SDHA: variants seen among roughly 807,000 people sequenced by gnomAD.
SDHA encodes succinate dehydrogenase [ubiquinone] flavoprotein subunit, mitochondrial.
Under a neutral mutation model 78.4 loss-of-function variants are expected in SDHA, and 48 were observed. The ratio of observed to expected loss-of-function variants is 0.61; its 90% CI spans 0.49 to 0.78. The LOEUF is 0.78. SDHA is among the 30% of genes least tolerant of loss of function. SDHA has a pLI of 0.00. For synonymous variants in SDHA, 326 were observed against 353.9 expected, an observed-to-expected ratio of 0.92 and a Z score of 0.88; for missense variants, 680 against 892.7, an observed-to-expected ratio of 0.76 and a Z score of 3.04.
chr5:242,436 A>C (rs1008066129), intron 11 of SDHA, among the ~76,000 whole-genome samples: 9 of 152,260 alleles, frequency 5.9e-5, no homozygotes, highest in African/African-American at 2.2e-4. Context: ...AACTAGCCAG[A>C]GCCCATACCT....
chr5:226,160 A>G (rs1209940474), intron 5 of SDHA, 113 bp downstream of exon 5: 2 of 1,225,676 alleles, frequency 1.6e-6, no homozygotes, highest in Middle Eastern at 2.4e-4. Context: ...GTAAAAAGCA[A>G]CAGAGAACAG....
chr5:259,134 G>C (rs1737390679), downstream of SDHA, among the ~76,000 whole-genome samples: 1 of 51,890 alleles, frequency 1.9e-5, no homozygotes, highest in African/African-American at 1.7e-4. Context: ...GCATTACCGT[G>C]TGAGCTCCGC....
chr5:235,404 G>A (rs112306004), intron 9 of SDHA, 65 bp downstream of exon 9: 19 of 1,467,716 alleles, frequency 1.3e-5, no homozygotes, highest in African/African-American at 1.1e-4. Flanking sequence ...CCACCTCGCA[G>A]TTGTCTCTTT....
chr5:258,686 CCG>C, downstream of SDHA, among the ~76,000 whole-genome samples: 1 of 107,574 alleles, frequency 9.3e-6, no homozygotes, highest in Non-Finnish European at 1.7e-5. Context: ...CACAGCATTA[CCG>C]TGTGAGCTCC....
chr5:263,303 T>C, the SDHA span, among the ~76,000 whole-genome samples: 1 of 152,184 alleles, frequency 6.6e-6, no homozygotes, highest in Non-Finnish European at 1.5e-5. Flanking sequence ...ATGTCTTTTT[T>C]GGCAGTGCAC....
At chr5:259,023 C>G (rs6873943), downstream of SDHA, among the ~76,000 whole-genome samples, 5 of 31,972 alleles carry the variant, frequency 1.6e-4, no homozygotes, top group African/African-American at 1.8e-4. Flanking sequence ...CCGCCTCCCG[C>G]CAGAGCATTA....
At chr5:266,771 G>A in the SDHA span, among the ~76,000 whole-genome samples, 6 of 152,136 alleles carry the variant, frequency 3.9e-5, no homozygotes, top group African/African-American at 1.4e-4. Context: ...TGGCCGCTGT[G>A]TCTGAGATAT....
At position 230,947 on chromosome 5, in the gene SDHA, C is replaced by A; in HGVS notation, c.842C>A (p.Thr281Asn). 6.2e-7 allele frequency: 1 copy of A among 1,614,044 alleles called. No individual in the cohort carries two copies. Among genetic ancestry groups the A allele is most frequent in the Non-Finnish European group, 8.5e-7 (1 of 1,179,912 alleles). Residue 281 changes from threonine (T) to asparagine (N), a missense_variant, in exon 7 of 15, where the codon ACC becomes AAC. Transcript: ENST00000264932. ...TSTGDGTAMI[T>N]RAGLPCQDLE... ...ACTGGCGACGGCACGGCCATGATCA[C>A]CAGGGCAGGCCTTCCTTGCCAGGAC...
chr5:241,353 G>A (rs1215173840), intron 11 of SDHA, among the ~76,000 whole-genome samples: 3 of 152,154 alleles, frequency 2.0e-5, no homozygotes, highest in East Asian at 1.9e-4. Context: ...CCCGGATATC[G>A]ATCATGTCAT....
chr5:261,742 G>C (rs367546557), downstream of SDHA, among the ~76,000 whole-genome samples: 97 of 7,458 alleles, frequency 0.013, no homozygotes, highest in Non-Finnish European at 0.019. Flanking sequence ...CCGCCTCCCG[G>C]CAGAGCATTA....
the SDHA span, among the ~76,000 whole-genome samples, chr5:263,032 G>T: frequency 6.6e-6 from 1 of 151,576 alleles, no homozygotes; most frequent in African/African-American, 2.4e-5. Context: ...CTCCACCTCC[G>T]GGGCTCCAGC....
intron 11 of SDHA, among the ~76,000 whole-genome samples, chr5:241,421 A>G (rs1736132935): frequency 6.6e-6 from 1 of 152,168 alleles, no homozygotes; most frequent in Admixed American, 6.5e-5. Flanking sequence ...TGCTGCCTCT[A>G]AATATACTCG....
intron 11 of SDHA, among the ~76,000 whole-genome samples, chr5:247,048 C>G (rs1338217405): frequency 6.6e-6 from 1 of 152,084 alleles, no homozygotes; most frequent in African/African-American, 2.4e-5. Context: ...AAATTTAAAC[C>G]AAATGAAGAT....
At position 233,521 on chromosome 5, in the gene SDHA, G is replaced by A. The variant is rs1337704280; in HGVS notation, c.940G>A (p.Glu314Lys). Residue 314 changes from glutamate (E) to lysine (K), a missense_variant, in exon 8 of 15, where the codon GAG (glutamate) becomes AAG (lysine). Transcript: ENST00000264932. ...TCTCATTACGGAAGGATGTCGTGGA[G>A]AGGGAGGCATTCTCATTAACAGTCA... Reference protein sequence around the residue: ...GCLITEGCRGEGGILINSQGE... With the variant: ...GCLITEGCRGKGGILINSQGE... 1.2e-6 allele frequency: 2 copies of A among 1,614,254 alleles called. No individual in the cohort carries two copies. Among genetic ancestry groups the A allele is most frequent in the Non-Finnish European group, 1.7e-6 (2 of 1,180,038 alleles).
chr5:241,604 C>T (rs1310250610), intron 11 of SDHA, among the ~76,000 whole-genome samples: 3 of 152,220 alleles, frequency 2.0e-5, no homozygotes, highest in Non-Finnish European at 4.4e-5. Context: ...GTCTAAGAAA[C>T]TGAATTCCTC....
At chr5:219,978 C>T (rs975005862) in intron 1 of SDHA, among the ~76,000 whole-genome samples, 4 of 152,096 alleles carry the variant, frequency 2.6e-5, no homozygotes, top group African/African-American at 9.7e-5. Flanking sequence ...TTCAGATAGG[C>T]TTTTTTTCCT....
intron 2 of SDHA, 86 bp downstream of exon 2, chr5:223,654 A>G (rs1294411741): frequency 1.1e-5 from 11 of 990,898 alleles, no homozygotes; most frequent in Non-Finnish European, 1.5e-5. Flanking sequence ...CATATGAGTC[A>G]TAGACATAAG....
chr5:228,418 C>A (rs1735186450), intron 6 of SDHA, 85 bp downstream of exon 6: 1 of 1,389,334 alleles, frequency 7.2e-7, no homozygotes, highest in Non-Finnish European at 1.0e-6. Context: ...AAAATAGAGG[C>A]ATTGTAGAAT....
chr5:248,872 C>G (rs1736638158), intron 11 of SDHA, among the ~76,000 whole-genome samples: 1 of 152,158 alleles, frequency 6.6e-6, no homozygotes, highest in Non-Finnish European at 1.5e-5. Context: ...GGCAAGGGTT[C>G]CTATTATCTG....
Sources: allele counts gnomAD v4.1 joint callset (sites outside exome capture counted in the v4.1 genomes callset), GRCh38; gene constraint gnomAD v4.1.1; transcripts MANE v1.5; gene names NCBI Gene and HGNC (gene_info 2026-07-23, HGNC 2026-07-21).